Variants in PHF8 observed in about 807,000 individuals in gnomAD.
The protein encoded by PHF8 is histone lysine demethylase PHF8.
A neutral mutation model predicts 74.4 loss-of-function variants in PHF8; 9 were observed. That is an observed-to-expected ratio of 0.12 (90% CI 0.07 to 0.21). PHF8 has a LOEUF of 0.21. Ranked by LOEUF, PHF8 falls within the 10% of genes least tolerant of loss-of-function variation. PHF8 has a pLI of 1.00. For synonymous variants in PHF8, 311 were observed against 316.6 expected, an observed-to-expected ratio of 0.98 and a Z score of 0.19; for missense variants, 478 against 816.6, an observed-to-expected ratio of 0.59 and a Z score of 5.05.
Position 53,984,899 on chromosome X carries a change from C to T in PHF8, c.2443+15G>A. 1 of 1,191,265 alleles carries T rather than the reference C, an allele frequency of 8.4e-7. No homozygotes were observed. Among genetic ancestry groups the T allele is most frequent in the Non-Finnish European group, 1.1e-6 (1 of 877,025 alleles). ...ACCCCTTCTGGCCTGAACCCATGTG[C>T]TTAGCTGCCCTTACTATACTCTGCA... On this transcript the variant is annotated intron_variant, in intron 18 of 21. Transcript: ENST00000338154.
In PHF8 at chrX:53,987,939, T is replaced by C; in HGVS notation, c.1736A>G (p.Lys579Arg). The change falls in exon 15 of 22, where the codon AAA becomes AGA. Residue 579 changes from lysine (K) to arginine (R), a missense_variant. Transcript: ENST00000338154. ...AGATTTGGATAAACTCTTCACCCTT[T>C]TCGTACTGAAGGGAAGGAGAACATA... ...LALLMSNGST[K>R]RVKSLSKSRR... 8.3e-7 allele frequency: 1 copy of C among 1,201,423 alleles called. No individual in the cohort carries two copies.
chrX:53,947,204 G>C (rs2064845565), intron 19 of PHF8, among the ~76,000 whole-genome samples: 1 of 110,992 alleles, frequency 9.0e-6, no homozygotes, highest in Non-Finnish European at 1.9e-5. Flanking sequence ...TAGAGACGGG[G>C]TTTCACCATG....
intron 8 of PHF8, among the ~76,000 whole-genome samples, chrX:54,003,074 G>A (rs1020634757): frequency 8.1e-5 from 9 of 111,618 alleles, no homozygotes; most frequent in Non-Finnish European, 1.7e-4. Flanking sequence ...GTAAAACAAT[G>A]TCATTCTTCC....
chrX:53,977,472 TTTA>T (rs1557096511), intron 18 of PHF8, among the ~76,000 whole-genome samples: 1 of 112,108 alleles, frequency 8.9e-6, no homozygotes, highest in Admixed American at 9.5e-5. Context: ...CAGAAAGTTG[TTTA>T]TTATCATTAG....
At position 53,984,165 on chromosome X, in the gene PHF8, A is replaced by G. The variant is rs1162440183; in HGVS notation, c.2443+749T>C. ...CAGATCACTTGAGGCCAGGAATTCG[A>G]GATCACCCTAGCCAACATGACAAAA... On this transcript the variant is annotated intron_variant, in intron 18 of 21. Coordinates refer to ENST00000338154, the MANE Select transcript of PHF8 (RefSeq NM_015107.3). Among the ~76,000 whole-genome samples the G allele has an allele frequency of 5.3e-5, 6 of 112,314 alleles. No homozygotes were observed. The East Asian group carries it at 1.7e-3, about 32-fold the overall frequency.
chrX:54,041,311 G>A (rs1295380924), intron 2 of PHF8, among the ~76,000 whole-genome samples: 1 of 108,163 alleles, frequency 9.2e-6, no homozygotes, highest in Non-Finnish European at 1.9e-5. Context: ...TTGAACCCGG[G>A]AGGCAGAGGT....
In PHF8 at chrX:53,993,528, C is replaced by G. The variant is rs1454113912; in HGVS notation, c.1626+73G>C. On this transcript the variant is annotated intron_variant, in intron 13 of 21. Coordinates refer to ENST00000338154, the MANE Select transcript of PHF8 (RefSeq NM_015107.3). ...GGGACATGGCAGCCAGACAGGATAG[C>G]CTGCTTTTTGAAACCCTGCTCTTCC... 1.2e-5 allele frequency: 11 copies of G among 927,962 alleles called. No individual in the cohort carries two copies. In the African/African-American group the frequency reaches 2.1e-4, roughly 18 times the overall value. The allele number at this position is 927,962 out of a possible 1,213,427, so 76.5% of individuals were successfully genotyped here.
chrX:53,950,595 C>A (rs998474406), intron 19 of PHF8, among the ~76,000 whole-genome samples: 2 of 112,043 alleles, frequency 1.8e-5, no homozygotes, highest in African/African-American at 3.2e-5. Flanking sequence ...CTCCAACATG[C>A]ACATAGAGAG....
chrX:54,017,701 G>C lies in PHF8; in HGVS notation c.414C>G (p.Pro138=), dbSNP rs781975355. Residue 138 remains proline (P), a synonymous_variant, in exon 5 of 22, where the codon CCC becomes CCG. Coordinates refer to ENST00000338154, the MANE Select transcript of PHF8 (RefSeq NM_015107.3). The part of the protein sequence containing the change: ...LKKDGLGMTL[P]SPSFTVRDVE... ...CATCCCTCACAGTGAATGATGGCGA[G>C]GGCAGCGTCATGCCCAACCCATCCT... The C allele has an allele frequency of 2.5e-6, 3 of 1,207,724 alleles. No homozygotes were observed. In the East Asian group the frequency reaches 8.9e-5, roughly 36 times the overall value.
At chrX:53,957,527 T>TA (rs2065033071) in intron 19 of PHF8, among the ~76,000 whole-genome samples, 1 of 110,385 alleles carries the variant, frequency 9.1e-6, no homozygotes, top group Non-Finnish European at 1.9e-5. Context: ...TCAAAATAAA[T>TA]AAAAAACAAA....
In PHF8 at chrX:54,039,133, C is replaced by G. The variant is rs1410760608; in HGVS notation, c.98+3498G>C. On this transcript the variant is annotated intron_variant, in intron 2 of 21. Transcript: ENST00000338154. ...TGGGCAACAGAGTGAGACTCTGTCT[C>G]AAAAAAAAAAAAAAAAAAAAGAAGT... is the stretch of plus-strand genomic sequence containing the variant. 7.0e-5 allele frequency among the ~76,000 whole-genome samples: 3 copies of G among 42,622 alleles called. No individual in the cohort carries two copies. The Admixed American group carries it at 9.6e-4, about 14-fold the overall frequency. The allele number at this position is 42,622 out of a possible 115,157, so 37.0% of individuals were successfully genotyped here.
At chrX:53,990,969 G>C (rs2065650400) in intron 14 of PHF8, among the ~76,000 whole-genome samples, 1 of 111,692 alleles carries the variant, frequency 9.0e-6, no homozygotes. Context: ...CATGTATTAA[G>C]TATTAATTAT....
intron 2 of PHF8, among the ~76,000 whole-genome samples, chrX:54,036,102 C>CAA (rs1159910510): frequency 6.0e-3 from 156 of 26,183 alleles, no homozygotes; most frequent in African/African-American, 0.019. Context: ...AACTCCATCT[C>CAA]AAAAAAAAAA....
chrX:54,019,843 G>T (rs12843867), intron 4 of PHF8, among the ~76,000 whole-genome samples: 1 of 106,553 alleles, frequency 9.4e-6, no homozygotes, highest in East Asian at 2.9e-4. Flanking sequence ...GGAACAGCAG[G>T]ATTTCACGAT....
At chrX:54,020,339 A>G (rs1319063039) in intron 4 of PHF8, among the ~76,000 whole-genome samples, 3 of 112,380 alleles carry the variant, frequency 2.7e-5, no homozygotes, top group Admixed American at 9.5e-5. Context: ...ACTTAAGTGC[A>G]AAGATATTCA....
At chrX:54,037,117 T>A (rs1170801582) in intron 2 of PHF8, among the ~76,000 whole-genome samples, 3 of 106,899 alleles carry the variant, frequency 2.8e-5, no homozygotes, top group Non-Finnish European at 5.8e-5. Flanking sequence ...AAGGCAGAGA[T>A]CTATTAAATT....
intron 18 of PHF8, among the ~76,000 whole-genome samples, chrX:53,976,610 A>G (rs1446104610): frequency 9.2e-6 from 1 of 108,566 alleles, no homozygotes; most frequent in East Asian, 2.9e-4. Flanking sequence ...TATGCAACAC[A>G]GTGAGACCCC....
intron 8 of PHF8, 65 bp from the exon 9 acceptor site, chrX:54,002,747 A>G (rs1557104483): frequency 1.4e-6 from 1 of 739,818 alleles, no homozygotes; most frequent in African/African-American, 2.1e-5. Flanking sequence ...TATCTCCACT[A>G]CCTACTCATC....
intron 7 of PHF8, among the ~76,000 whole-genome samples, chrX:54,012,814 C>G (rs1362413761): frequency 9.1e-6 from 1 of 109,339 alleles, no homozygotes; most frequent in Non-Finnish European, 1.9e-5. Context: ...GTGGTGCACA[C>G]CTGTAGTCCC....
Sources: gnomAD v4.1 joint callset for allele counts (sites outside exome capture counted in the v4.1 genomes callset) on GRCh38, gnomAD v4.1.1 for gene constraint, MANE v1.5 for transcripts, NCBI Gene and HGNC (gene_info 2026-07-23, HGNC 2026-07-21) for gene names.